Variants in SUSD4 observed in about 807,000 individuals in gnomAD.
The protein encoded by SUSD4 is sushi domain containing 4, also known as sushi domain-containing protein 4.
Under a neutral mutation model 50.5 loss-of-function variants are expected in SUSD4, and 41 were observed. The observed-to-expected ratio is 0.81, with a 90% CI of 0.63 to 1.05. SUSD4 has a LOEUF of 1.05. Ranked by LOEUF, SUSD4 falls within the 50% of genes least tolerant of loss-of-function variation. The pLI, the probability that SUSD4 is intolerant of heterozygous loss-of-function variation, is 0.00. For missense variants in SUSD4, 580 were observed against 634.7 expected (o/e 0.91, Z 0.93); for synonymous variants, 257 against 257.3 (o/e 1.00, Z 0.01).
chr1:223,307,947 T>C (rs1339264015), intron 2 of SUSD4, among the ~76,000 whole-genome samples: 1 of 152,240 alleles, frequency 6.6e-6, no homozygotes, highest in Non-Finnish European at 1.5e-5. Flanking sequence ...CCCCCCATGC[T>C]GTCCTTGGAC....
intron 5 of SUSD4, among the ~76,000 whole-genome samples, chr1:223,249,185 G>T (rs1661139879): frequency 6.6e-6 from 1 of 152,172 alleles, no homozygotes; most frequent in Non-Finnish European, 1.5e-5. Context: ...CTACAGTCAG[G>T]ACTCCTAAAG....
chr1:223,293,826 A>C (rs1333157064), intron 2 of SUSD4, among the ~76,000 whole-genome samples: 12 of 151,800 alleles, frequency 7.9e-5, no homozygotes, highest in Admixed American at 7.9e-4. Context: ...AATGCTCCTA[A>C]TATGTCCTTA....
At chr1:223,336,568 T>C (rs988233395) in intron 2 of SUSD4, among the ~76,000 whole-genome samples, 2 of 152,150 alleles carry the variant, frequency 1.3e-5, no homozygotes, top group Non-Finnish European at 2.9e-5. Flanking sequence ...GAGGTCATGG[T>C]TTCTGTGCTT....
intron 5 of SUSD4, among the ~76,000 whole-genome samples, chr1:223,236,235 T>C (rs1660212090): frequency 6.6e-6 from 1 of 152,236 alleles, no homozygotes; most frequent in African/African-American, 2.4e-5. Context: ...GTTCTTTGAA[T>C]ATTTTGGATA....
chr1:223,227,619 T>A lies in SUSD4; in HGVS notation c.1036A>T (p.Lys346Ter). ...CTGGGGGGAAAGTGGGCCTTGAACT[T>A]GGTCTGGAACATCCTGGCCAGGATG... ...LVILARMFQT[K>*]FKAHFPPRGP... The change falls in exon 7 of 9, where the codon AAG becomes TAG. Residue 346 changes from lysine (K) to a stop codon, truncating the protein, a stop_gained. Coordinates refer to ENST00000366878, the MANE Select transcript of SUSD4 (RefSeq NM_017982.4). LOFTEE classifies it high-confidence loss of function. The surrounding 1 kb of genome is among the most constrained non-coding windows in gnomAD (Gnocchi z 4.5). The A allele has an allele frequency of 1.2e-6, 2 of 1,613,796 alleles. No individual in the cohort carries two copies. Among genetic ancestry groups the A allele is most frequent in the Non-Finnish European group, 1.7e-6 (2 of 1,179,926 alleles).
chr1:223,257,876 C>T (rs1390156308), intron 5 of SUSD4, among the ~76,000 whole-genome samples: 2 of 152,080 alleles, frequency 1.3e-5, no homozygotes, highest in African/African-American at 4.8e-5. Context: ...GGGAAGTGAC[C>T]GAGGTGACAC....
chr1:223,349,247 A>G (rs1424487377), intron 2 of SUSD4, among the ~76,000 whole-genome samples: 1 of 152,224 alleles, frequency 6.6e-6, no homozygotes. Flanking sequence ...TAAATTCAAA[A>G]TGACTTAAAA....
chr1:223,268,378 G>T, intron 4 of SUSD4, 124 bp downstream of exon 4: 3 of 1,275,748 alleles, frequency 2.4e-6, no homozygotes, highest in Non-Finnish European at 2.1e-6. Flanking sequence ...ATCCATGTGG[G>T]GTAGATGGCT....
At chr1:223,272,423 A>C (rs1357964653) in intron 3 of SUSD4, among the ~76,000 whole-genome samples, 6 of 152,222 alleles carry the variant, frequency 3.9e-5, no homozygotes. Context: ...AAGGAGTAAA[A>C]GATCCTAAGG....
At chr1:223,352,195 A>C (rs1213278498) in intron 2 of SUSD4, among the ~76,000 whole-genome samples, 1 of 152,236 alleles carries the variant, frequency 6.6e-6, no homozygotes, top group Non-Finnish European at 1.5e-5. Flanking sequence ...ATGCAAAGGC[A>C]ACTGCTACAG....
intron 2 of SUSD4, among the ~76,000 whole-genome samples, chr1:223,361,258 C>T (rs756949600): frequency 9.2e-5 from 14 of 152,126 alleles, no homozygotes; most frequent in Non-Finnish European, 1.8e-4. Context: ...CCCCACCACC[C>T]TTGCTTGCCC....
chr1:223,275,606 A>G (rs893046462), intron 3 of SUSD4, among the ~76,000 whole-genome samples: 1 of 152,224 alleles, frequency 6.6e-6, no homozygotes, highest in African/African-American at 2.4e-5. Context: ...CTGAGGCTCC[A>G]CAACATGAGA....
intron 3 of SUSD4, among the ~76,000 whole-genome samples, chr1:223,282,214 A>C (rs991730622): frequency 1.3e-5 from 2 of 152,218 alleles, no homozygotes; most frequent in Non-Finnish European, 2.9e-5. Context: ...CTCCTATTCA[A>C]CATAGTGTTG....
chr1:223,343,249 C>T (rs1458935470), intron 2 of SUSD4, among the ~76,000 whole-genome samples: 2 of 152,118 alleles, frequency 1.3e-5, no homozygotes, highest in Non-Finnish European at 2.9e-5. Flanking sequence ...TAACTTTTAC[C>T]GGAAGCCTTC....
At chr1:223,293,019 T>C (rs1664597753) in intron 2 of SUSD4, among the ~76,000 whole-genome samples, 1 of 152,190 alleles carries the variant, frequency 6.6e-6, no homozygotes, top group African/African-American at 2.4e-5. Flanking sequence ...CATCTGAGCC[T>C]GGCCTTGAGG....
chr1:223,264,268 CAAT>C (rs1192391718), intron 5 of SUSD4: 3 of 1,006,296 alleles, frequency 3.0e-6, no homozygotes, highest in East Asian at 1.0e-4. Context: ...AGCGACACAA[CAAT>C]AAAACGAGGG....
At chr1:223,307,417 G>C (rs1445476680) in intron 2 of SUSD4, among the ~76,000 whole-genome samples, 1 of 152,158 alleles carries the variant, frequency 6.6e-6, no homozygotes, top group African/African-American at 2.4e-5. Flanking sequence ...TGAGATCAAT[G>C]ACAGTTTGAT....
At chr1:223,250,447 G>T (rs1194647523) in intron 5 of SUSD4, among the ~76,000 whole-genome samples, 1 of 152,152 alleles carries the variant, frequency 6.6e-6, no homozygotes, top group East Asian at 1.9e-4. Flanking sequence ...TGCCTCATTT[G>T]CAAAGATAAG....
At chr1:223,241,434 G>A (rs1359270741) in intron 5 of SUSD4, among the ~76,000 whole-genome samples, 1 of 152,160 alleles carries the variant, frequency 6.6e-6, no homozygotes, top group Non-Finnish European at 1.5e-5. Flanking sequence ...CCCAACCCCT[G>A]TCTTGTTTCC....
Sources: gnomAD v4.1 joint callset for allele counts (sites outside exome capture counted in the v4.1 genomes callset) on GRCh38, gnomAD v4.1.1 for gene constraint, Gnocchi (gnomAD v3.1) non-coding constraint, MANE v1.5 for transcripts, NCBI Gene and HGNC (gene_info 2026-07-23, HGNC 2026-07-21) for gene names.